The following ZNF43 variants were observed in gnomAD, a reference collection of about 807,000 sequenced individuals.
ZNF43 encodes zinc finger protein 43.
ZNF43 carries 44 observed loss-of-function variants against 68.4 expected under a neutral mutation model. The observed-to-expected ratio is 0.64, with a 90% confidence interval of 0.51 to 0.83. The LOEUF (loss-of-function observed/expected upper bound fraction) is 0.83, where lower values mean the gene tolerates loss of function less well. ZNF43 is among the 40% of genes least tolerant of loss of function. The pLI is 0.00. For synonymous variants in ZNF43, 308 were observed against 307.8 expected, an observed-to-expected ratio of 1.00 and a Z score of -0.01; for missense variants, 896 against 933.2, an observed-to-expected ratio of 0.96 and a Z score of 0.52.
intron 1 of ZNF43, among the ~76,000 whole-genome samples, chr19:21,830,159 G>T (rs2038351366): frequency 6.6e-6 from 1 of 152,068 alleles, no homozygotes; most frequent in Non-Finnish European, 1.5e-5. Flanking sequence ...GCTGAGGCAG[G>T]AGAATTGCTT....
chr19:21,807,405 A>C lies in ZNF43; in HGVS notation c.*202T>G. On this transcript the variant is annotated 3_prime_UTR_variant, in exon 4 of 4. Coordinates refer to ENST00000354959, the MANE Select transcript of ZNF43 (RefSeq NM_003423.4). The stretch of plus-strand genomic sequence containing the variant: ...GAGCACATATTAATGGCTTTTCCAC[A>C]TTCTTTGTGTATATACCTTTTTCCA... The C allele has an allele frequency of 2.1e-6, 1 of 471,696 alleles. No individual in the cohort carries two copies. Among genetic ancestry groups the C allele is most frequent in the Non-Finnish European group, 3.6e-6 (1 of 276,208 alleles). 29.2% of individuals were successfully genotyped at this position (471,696 alleles called of 1,614,324 possible).
rs1219046263 is a variant in ZNF43 at position 21,836,064 on chromosome 19, G to A, written c.-26C>T. 9.9e-6 allele frequency: 16 copies of A among 1,613,696 alleles called. No homozygotes were observed. Among genetic ancestry groups the A allele is most frequent in the Admixed American group, 3.3e-5 (2 of 59,990 alleles). On this transcript the variant is annotated 5_prime_UTR_variant, in exon 1 of 4. In the 5' UTR this introduces an upstream ATG that the reference lacks. Transcript: ENST00000354959. The stretch of plus-strand genomic sequence containing the variant: ...TTCTAGGCTTCCGGGGGGTCCTGGC[G>A]TCTTAGCTGTGGATCCCCCAATACC...
At chr19:21,836,648 G>GACTGCAGCTC (rs2038755272), upstream of ZNF43, among the ~76,000 whole-genome samples, 1 of 152,126 alleles carries the variant, frequency 6.6e-6, no homozygotes, top group South Asian at 2.1e-4. Context: ...GCAGGGTCAT[G>GACTGCAGCTC]ACTGCAGCTC....
chr19:21,836,317 T>C (rs2038736483), upstream of ZNF43: 4 of 1,148,992 alleles, frequency 3.5e-6, no homozygotes, highest in Non-Finnish European at 3.4e-6. Context: ...AAAGATGTGA[T>C]CAGACGCTGG....
rs779738993 is a variant in ZNF43, at chr19:21,807,997, A to C, written c.2040T>G (p.Cys680Trp). The C allele has an allele frequency of 9.3e-6, 15 of 1,612,830 alleles. No individual in the cohort carries two copies. In the South Asian group the frequency reaches 1.6e-4, roughly 18 times the overall value. ...IIHTGEKPYK[C>W]EECGKAFKLS... ...GTTTAAAAGCTTTGCCACATTCTTC[A>C]CATTTGTAGGGTTTCTCTCCAGTAT... The change falls in exon 4 of 4, where the codon TGT becomes TGG. Residue 680 changes from cysteine (C) to tryptophan (W), a missense_variant. Coordinates refer to ENST00000354959, the MANE Select transcript of ZNF43 (RefSeq NM_003423.4).
rs141446907 is a variant in ZNF43 at position 21,842,084 on chromosome 19, G to A, written c.30+9821C>T. Among the ~76,000 whole-genome samples the A allele has an allele frequency of 5.1e-3, 780 of 152,100 alleles. 6 individuals are homozygous for A. The highest frequency in any genetic ancestry group is 0.018 in the African/African-American group (745 of 41,516). On this transcript the variant is annotated intron_variant, in intron 1 of 3. Coordinates refer to the ZNF43 transcript ENST00000357491. ...CTGAAACCTGTAGTAGGAGAGGAGAGTCACATCACCAAGGTGCTAGGCCCA... is the reference window on the plus strand; with the variant it reads ...CTGAAACCTGTAGTAGGAGAGGAGAATCACATCACCAAGGTGCTAGGCCCA...
At chr19:21,822,426 G>A (rs1599485025) in intron 1 of ZNF43, among the ~76,000 whole-genome samples, 1 of 152,306 alleles carries the variant, frequency 6.6e-6, no homozygotes, top group East Asian at 1.9e-4. Context: ...ATTATAAACA[G>A]AACAATAAGC....
chr19:21,811,789 C>T (rs1340393054), intron 3 of ZNF43, among the ~76,000 whole-genome samples: 1 of 151,940 alleles, frequency 6.6e-6, no homozygotes, highest in African/African-American at 2.4e-5. Context: ...GATGCTGAAA[C>T]GTGGATACCA....
chr19:21,848,108 A>G (rs1227535232), intron 1 of ZNF43, among the ~76,000 whole-genome samples: 1 of 151,490 alleles, frequency 6.6e-6, no homozygotes, highest in East Asian at 2.0e-4. Flanking sequence ...GCGTGAGGCC[A>G]CTGTGCCCGG....
chr19:21,821,430 G>A (rs1045352467), intron 1 of ZNF43, among the ~76,000 whole-genome samples: 2 of 152,062 alleles, frequency 1.3e-5, no homozygotes, highest in African/African-American at 4.8e-5. Flanking sequence ...CATAAAGCAA[G>A]TATATCCTGA....
intron 1 of ZNF43, among the ~76,000 whole-genome samples, chr19:21,828,438 GGC>G (rs2038243333): frequency 1.3e-5 from 2 of 152,088 alleles, no homozygotes; most frequent in African/African-American, 4.8e-5. Context: ...AATTAGGCCA[GGC>G]GCGGTGGCTC....
intron 1 of ZNF43, among the ~76,000 whole-genome samples, chr19:21,834,555 G>A (rs1468657298): frequency 1.3e-5 from 2 of 151,530 alleles, no homozygotes; most frequent in Non-Finnish European, 2.9e-5. Flanking sequence ...TCAGGAGTTC[G>A]AAACCAGCTT....
In ZNF43 at chr19:21,809,253, C is replaced by G. The variant is rs760142123; in HGVS notation, c.784G>C (p.Glu262Gln). 2 of 1,613,478 alleles carry G rather than the reference C, an allele frequency of 1.2e-6. No homozygotes were observed. Among genetic ancestry groups the G allele is most frequent in the African/African-American group, 2.7e-5 (2 of 74,924 alleles). The change falls in exon 4 of 4, where the codon GAA becomes CAA. Residue 262 changes from glutamate (E) to glutamine (Q), a missense_variant. Coordinates refer to ENST00000354959, the MANE Select transcript of ZNF43 (RefSeq NM_003423.4). ...GACTTGTTAAAAGCTTTGCCACATT[C>G]TTCACATTTGTAGAGTTTGTATCTA... is the stretch of plus-strand genomic sequence containing the variant. ...YTRYKLYKCE[E>Q]CGKAFNKSSI...
intron 1 of ZNF43, among the ~76,000 whole-genome samples, chr19:21,847,424 C>T (rs758432256): frequency 1.3e-4 from 20 of 152,112 alleles, no homozygotes; most frequent in East Asian, 1.9e-4. Context: ...TGGTCAGGCG[C>T]GGTGGCTCAC....
At chr19:21,812,226 A>T (rs1159415656) in intron 3 of ZNF43, among the ~76,000 whole-genome samples, 4 of 152,050 alleles carry the variant, frequency 2.6e-5, no homozygotes, top group African/African-American at 9.7e-5. Context: ...TCCCGGGTTC[A>T]CACCATTCTC....
At chr19:21,850,519 C>T (rs2145439375) in intron 1 of ZNF43, among the ~76,000 whole-genome samples, 1 of 152,058 alleles carries the variant, frequency 6.6e-6, no homozygotes, top group South Asian at 2.1e-4. Flanking sequence ...GAGATCGCAC[C>T]ACTGCACTCC....
At chr19:21,833,330 G>A (rs565827998) in intron 1 of ZNF43, among the ~76,000 whole-genome samples, 19 of 152,038 alleles carry the variant, frequency 1.2e-4, no homozygotes, top group African/African-American at 3.4e-4. Flanking sequence ...ACAATGGCGC[G>A]ACCTCAGCTC....
At chr19:21,828,421 T>A (rs1449211877) in intron 1 of ZNF43, among the ~76,000 whole-genome samples, 1 of 151,400 alleles carries the variant, frequency 6.6e-6, no homozygotes, top group East Asian at 2.0e-4. Flanking sequence ...CTCATAAAAA[T>A]ACAAAAAATT....
chr19:21,806,638 C>T lies in ZNF43; in HGVS notation c.*969G>A, dbSNP rs1226121901. Reference sequence around the variant, plus strand: ...AAGTTATTTGAGAGTTTAATTACATCATTATTCACTAATTTAAAAATCAGT... The same window carrying T: ...AAGTTATTTGAGAGTTTAATTACATTATTATTCACTAATTTAAAAATCAGT... On this transcript the variant is annotated 3_prime_UTR_variant, in exon 4 of 4. Transcript: ENST00000354959. The T allele has an allele frequency of 6.6e-6, 1 of 152,096 alleles. No individual in the cohort carries two copies. Among genetic ancestry groups the T allele is most frequent in the Non-Finnish European group, 1.5e-5 (1 of 68,028 alleles). The allele number at this position is 152,096 out of a possible 1,614,324, so 9.4% of individuals were successfully genotyped here.
Sources: allele counts gnomAD v4.1 joint callset (sites outside exome capture counted in the v4.1 genomes callset), GRCh38; gene constraint gnomAD v4.1.1; transcripts MANE v1.5; gene names NCBI Gene and HGNC (gene_info 2026-07-23, HGNC 2026-07-21).